The following ITGA9 variants were observed in gnomAD, a reference collection of about 807,000 sequenced individuals.
ITGA9 encodes the protein integrin subunit alpha 9.
In ITGA9, 56 loss-of-function variants were observed where a neutral mutation model predicts 127.8. That is an observed-to-expected ratio of 0.44 (90% CI 0.35 to 0.55). ITGA9 has a LOEUF of 0.55. ITGA9 is among the 20% of genes least tolerant of loss of function. ITGA9 has a pLI of 0.00. For missense variants in ITGA9, 1,196 were observed against 1,347.1 expected, an observed-to-expected ratio of 0.89 and a Z score of 1.76; for synonymous variants, 508 against 514.5, an observed-to-expected ratio of 0.99 and a Z score of 0.17.
At chr3:37,511,934 C>T (rs1186198073) in intron 8 of ITGA9, among the ~76,000 whole-genome samples, 2 of 151,860 alleles carry the variant, frequency 1.3e-5, no homozygotes, top group African/African-American at 4.8e-5. Flanking sequence ...TATTAGAAAA[C>T]ATTTATTTTA....
intron 23 of ITGA9, among the ~76,000 whole-genome samples, chr3:37,758,094 C>T (rs866244374): frequency 6.6e-6 from 1 of 150,678 alleles, no homozygotes; most frequent in Non-Finnish European, 1.5e-5. Flanking sequence ...GAGGCCGAGG[C>T]GGGTGGATCA....
intron 15 of ITGA9, among the ~76,000 whole-genome samples, chr3:37,553,013 T>TAAAAAAAAA (rs10662748): frequency 7.3e-6 from 1 of 137,140 alleles, no homozygotes; most frequent in African/African-American, 2.7e-5. Flanking sequence ...AGACTCCATC[T>TAAAAAAAAA]AAAAAAAAAA....
At chr3:37,602,430 A>T (rs1215205666) in intron 15 of ITGA9, among the ~76,000 whole-genome samples, 2 of 152,156 alleles carry the variant, frequency 1.3e-5, no homozygotes, top group African/African-American at 2.4e-5. Context: ...TAATAGAGGC[A>T]CATATACCAA....
In ITGA9 at chr3:37,538,136, G is replaced by A. The variant is rs977182436; in HGVS notation, c.1529-4289G>A. 3.3e-5 allele frequency among the ~76,000 whole-genome samples: 5 copies of A among 152,360 alleles called. No homozygotes were observed. In the South Asian group the frequency reaches 8.3e-4, roughly 25 times the overall value. ...AAAACCAGGAAGGGGCGCTCTCTGA[G>A]TGATTGCATTTTGCACTCTGACCCA... is the stretch of plus-strand genomic sequence containing the variant. On this transcript the variant is annotated intron_variant, in intron 14 of 27. Coordinates refer to ENST00000264741, the MANE Select transcript of ITGA9 (RefSeq NM_002207.3).
chr3:37,472,425 G>T (rs1698442549), intron 2 of ITGA9, among the ~76,000 whole-genome samples: 1 of 152,168 alleles, frequency 6.6e-6, no homozygotes, highest in Non-Finnish European at 1.5e-5. Flanking sequence ...TTGAGACAGA[G>T]TCTTGCTGTG....
intron 1 of ITGA9, among the ~76,000 whole-genome samples, chr3:37,453,280 TCGA>T (rs749332082): frequency 1.1e-4 from 16 of 152,178 alleles, no homozygotes; most frequent in Non-Finnish European, 1.9e-4. Context: ...TATGGGCCAT[TCGA>T]CCCGGAGACC....
chr3:37,608,049 G>A (rs1457529793), intron 15 of ITGA9, among the ~76,000 whole-genome samples: 2 of 152,144 alleles, frequency 1.3e-5, no homozygotes, highest in Non-Finnish European at 2.9e-5. Flanking sequence ...CTGCAGCCAG[G>A]GCTTTTTCTA....
At chr3:37,754,428 G>C (rs1362559778) in intron 23 of ITGA9, among the ~76,000 whole-genome samples, 4 of 152,188 alleles carry the variant, frequency 2.6e-5, no homozygotes, top group Non-Finnish European at 4.4e-5. Context: ...TTTATTCCAG[G>C]TGAAAGTACT....
chr3:37,596,123 G>C (rs1426997185), intron 15 of ITGA9, among the ~76,000 whole-genome samples: 2 of 152,260 alleles, frequency 1.3e-5, no homozygotes, highest in Admixed American at 6.5e-5. Context: ...TGTGATACCT[G>C]CCATAAAGAA....
At chr3:37,771,481 C>T (rs1229879229) in intron 23 of ITGA9, among the ~76,000 whole-genome samples, 2 of 150,874 alleles carry the variant, frequency 1.3e-5, no homozygotes, top group African/African-American at 4.9e-5. Flanking sequence ...GATGAGGAAA[C>T]TGAGGCCCTG....
At chr3:37,642,586 A>C (rs931459914) in intron 16 of ITGA9, among the ~76,000 whole-genome samples, 2 of 152,224 alleles carry the variant, frequency 1.3e-5, no homozygotes, top group Non-Finnish European at 2.9e-5. Flanking sequence ...CGGGCAAGAG[A>C]GCATGATGTG....
intron 18 of ITGA9, among the ~76,000 whole-genome samples, chr3:37,720,122 G>A (rs1030935019): frequency 1.3e-5 from 2 of 152,184 alleles, no homozygotes; most frequent in Non-Finnish European, 2.9e-5. Context: ...TTCTAACAGT[G>A]AGCATGTCCA....
chr3:37,524,761 G>T (rs1383709892), intron 12 of ITGA9, among the ~76,000 whole-genome samples: 1 of 152,230 alleles, frequency 6.6e-6, no homozygotes, highest in Non-Finnish European at 1.5e-5. Flanking sequence ...AGCCTGCAGT[G>T]CACGGGGATC....
chr3:37,468,972 A>G (rs1698400122), intron 1 of ITGA9, among the ~76,000 whole-genome samples: 1 of 152,250 alleles, frequency 6.6e-6, no homozygotes, highest in Non-Finnish European at 1.5e-5. Context: ...AATGGCTCGT[A>G]GCTCAGCACA....
intron 26 of ITGA9, among the ~76,000 whole-genome samples, chr3:37,785,827 C>T (rs1427055165): frequency 6.6e-6 from 1 of 152,062 alleles, no homozygotes; most frequent in Non-Finnish European, 1.5e-5. Context: ...TTGCCAAGAC[C>T]TAGTAACTGC....
intron 26 of ITGA9, among the ~76,000 whole-genome samples, chr3:37,798,117 A>G (rs539516795): frequency 3.2e-4 from 48 of 152,186 alleles, no homozygotes; most frequent in African/African-American, 1.1e-3. Context: ...CAGCTCCCCA[A>G]ATAGCTGGGA....
intron 1 of ITGA9, among the ~76,000 whole-genome samples, chr3:37,465,671 G>A (rs1698362587): frequency 6.6e-6 from 1 of 152,214 alleles, no homozygotes. Flanking sequence ...GAAAAGCAAG[G>A]TGATTGAAGT....
chr3:37,459,685 G>C (rs773088394), intron 1 of ITGA9, among the ~76,000 whole-genome samples: 4 of 152,184 alleles, frequency 2.6e-5, no homozygotes, highest in African/African-American at 9.7e-5. Flanking sequence ...AAGTTACATG[G>C]CTAATGAGTT....
chr3:37,790,404 T>G (rs897550562), intron 26 of ITGA9: 22 of 468,254 alleles, frequency 4.7e-5, no homozygotes, highest in African/African-American at 4.2e-4. Context: ...CTCGGTTCTC[T>G]CGGTTGGAAT....
Sources: gnomAD v4.1 joint callset for allele counts (sites outside exome capture counted in the v4.1 genomes callset) on GRCh38, gnomAD v4.1.1 for gene constraint, MANE v1.5 for transcripts, NCBI Gene and HGNC (gene_info 2026-07-23, HGNC 2026-07-21) for gene names.